COG5: variants seen among roughly 807,000 people sequenced by gnomAD.
COG5 encodes the protein component of oligomeric golgi complex 5.
Under a neutral mutation model 110.4 loss-of-function variants are expected in COG5, and 86 were observed. The observed-to-expected ratio is 0.78, with a 90% CI of 0.65 to 0.93. COG5 has a LOEUF of 0.93. COG5 is among the 40% of genes least tolerant of loss of function. COG5 has a pLI of 0.00. For synonymous variants in COG5, 360 were observed against 334.6 expected (o/e 1.08, Z -0.83); for missense variants, 1,077 against 987.0 (o/e 1.09, Z -1.22).
At chr7:107,320,979 C>T (rs1459182656) in intron 11 of COG5, among the ~76,000 whole-genome samples, 1 of 152,146 alleles carries the variant, frequency 6.6e-6, no homozygotes, top group East Asian at 1.9e-4. Context: ...CATCAGAAGG[C>T]ACCTCTTTAT....
chr7:107,420,266 G>T (rs1047601788), intron 6 of COG5, among the ~76,000 whole-genome samples: 2 of 152,166 alleles, frequency 1.3e-5, no homozygotes, highest in African/African-American at 4.8e-5. Context: ...ACCAAGTAGG[G>T]TTGTATGGAG....
intron 7 of COG5, among the ~76,000 whole-genome samples, chr7:107,394,615 T>G (rs1436319536): frequency 6.6e-6 from 1 of 152,232 alleles, no homozygotes; most frequent in Non-Finnish European, 1.5e-5. Context: ...AAGCAATATT[T>G]TAGTTTACAA....
intron 7 of COG5, among the ~76,000 whole-genome samples, chr7:107,382,344 G>C (rs1015340189): frequency 6.6e-6 from 1 of 152,214 alleles, no homozygotes; most frequent in Non-Finnish European, 1.5e-5. Flanking sequence ...TTCCATCAAA[G>C]CCACTCCAAA....
intron 11 of COG5, among the ~76,000 whole-genome samples, chr7:107,311,120 T>C (rs899651205): frequency 1.2e-4 from 18 of 152,178 alleles, no homozygotes; most frequent in Non-Finnish European, 1.9e-4. Flanking sequence ...ATCTATGCGA[T>C]AGATCCTTAA....
chr7:107,321,824 C>A (rs1015969999), intron 11 of COG5, among the ~76,000 whole-genome samples: 2 of 151,162 alleles, frequency 1.3e-5, no homozygotes, highest in Non-Finnish European at 3.0e-5. Flanking sequence ...ATTTTTAGGT[C>A]AAAAAAAAGT....
intron 14 of COG5, among the ~76,000 whole-genome samples, chr7:107,277,547 A>G (rs1383536977): frequency 6.6e-6 from 1 of 152,224 alleles, no homozygotes; most frequent in Non-Finnish European, 1.5e-5. Flanking sequence ...CAGGCATTCT[A>G]ATTTTAGTAG....
At chr7:107,213,303 T>C (rs1470066378) in intron 19 of COG5, among the ~76,000 whole-genome samples, 3 of 152,150 alleles carry the variant, frequency 2.0e-5, no homozygotes, top group African/African-American at 7.2e-5. Flanking sequence ...GTGCATTTTT[T>C]GAAGAGAACA....
At chr7:107,475,159 T>A in intron 6 of COG5, 1 of 1,610,090 alleles carries the variant, frequency 6.2e-7, no homozygotes, top group Non-Finnish European at 8.5e-7. Context: ...CCCTCTATTA[T>A]ATGCATTCAC....
At chr7:107,447,330 T>C (rs1795065710) in intron 6 of COG5, among the ~76,000 whole-genome samples, 1 of 152,194 alleles carries the variant, frequency 6.6e-6, no homozygotes, top group Non-Finnish European at 1.5e-5. Context: ...TCCATAATTG[T>C]AACCATATTT....
chr7:107,281,913 T>C (rs1407918197), intron 13 of COG5, among the ~76,000 whole-genome samples: 4 of 152,024 alleles, frequency 2.6e-5, no homozygotes, highest in Admixed American at 2.6e-4. Flanking sequence ...AACAGGACTA[T>C]AATTACAAAT....
chr7:107,559,150 A>G (rs991760190), intron 1 of COG5, among the ~76,000 whole-genome samples: 1 of 152,120 alleles, frequency 6.6e-6, no homozygotes, highest in Non-Finnish European at 1.5e-5. Flanking sequence ...ACTGAAATTT[A>G]GGATTTATGG....
At position 107,562,345 on chromosome 7, in the gene COG5, T is replaced by C. The variant is rs141823714; in HGVS notation, c.94+1458A>G. 3.9e-5 allele frequency among the ~76,000 whole-genome samples: 6 copies of C among 152,358 alleles called. No individual in the cohort carries two copies. In the East Asian group the frequency reaches 1.2e-3, roughly 29 times the overall value. On this transcript the variant is annotated intron_variant, in intron 1 of 21. Coordinates refer to ENST00000297135, the MANE Select transcript of COG5 (RefSeq NM_006348.5). ...CTGAAACATATATCCAATGTTCCAC[T>C]GTTCACCTGGGGAAGTCCTGTCTAC... is the stretch of plus-strand genomic sequence containing the variant.
chr7:107,416,403 C>T (rs1418805020), intron 6 of COG5, among the ~76,000 whole-genome samples: 1 of 151,890 alleles, frequency 6.6e-6, no homozygotes. Flanking sequence ...AGAAAACACA[C>T]ACAGCAACAG....
chr7:107,245,149 G>T (rs2116524232), intron 17 of COG5, among the ~76,000 whole-genome samples: 1 of 152,294 alleles, frequency 6.6e-6, no homozygotes, highest in Admixed American at 6.5e-5. Flanking sequence ...AAAGGCTTCT[G>T]ATAAAATTTA....
At chr7:107,227,464 A>G (rs1800429757) in intron 19 of COG5, among the ~76,000 whole-genome samples, 1 of 152,190 alleles carries the variant, frequency 6.6e-6, no homozygotes, top group African/African-American at 2.4e-5. Flanking sequence ...TCTTGATTCT[A>G]TAAATAGGTA....
At chr7:107,466,460 A>G (rs192244808) in intron 6 of COG5, among the ~76,000 whole-genome samples, 22 of 152,356 alleles carry the variant, frequency 1.4e-4, no homozygotes, top group African/African-American at 5.3e-4. Flanking sequence ...GAAGTAGGGA[A>G]GGATGGGAAA....
rs191381302 is a variant in COG5, at chr7:107,415,006, G to A, written c.539-2374C>T. 2.0e-3 allele frequency among the ~76,000 whole-genome samples: 305 copies of A among 151,936 alleles called. 2 individuals carry two copies. Among genetic ancestry groups the A allele is most frequent in the African/African-American group, 6.9e-3 (288 of 41,464 alleles). ...CTCCCAAAATGCTGGGATTACAGGC[G>A]TGAGCCACCATGCCCGGCCCACTGT... is the stretch of plus-strand genomic sequence containing the variant. On this transcript the variant is annotated intron_variant, in intron 6 of 21. Coordinates refer to ENST00000297135, the MANE Select transcript of COG5 (RefSeq NM_006348.5).
chr7:107,520,737 T>G (rs1800263565), intron 6 of COG5, among the ~76,000 whole-genome samples: 1 of 152,192 alleles, frequency 6.6e-6, no homozygotes. Flanking sequence ...ATTTATAGAT[T>G]CAATGCTATT....
intron 10 of COG5, among the ~76,000 whole-genome samples, chr7:107,327,823 A>T (rs1405436639): frequency 6.6e-6 from 1 of 152,234 alleles, no homozygotes. Context: ...GATGTGGAGA[A>T]ACTGGAAATT....
Sources: gnomAD v4.1 joint callset for allele counts (sites outside exome capture counted in the v4.1 genomes callset) on GRCh38, gnomAD v4.1.1 for gene constraint, MANE v1.5 for transcripts, NCBI Gene and HGNC (gene_info 2026-07-23, HGNC 2026-07-21) for gene names.